The following PPM1H variants were observed in gnomAD, a reference collection of about 807,000 sequenced individuals.
The protein encoded by PPM1H is protein phosphatase, Mg2+/Mn2+ dependent 1H, also known as protein phosphatase 1H.
A neutral mutation model predicts 54.9 loss-of-function variants in PPM1H; 27 were observed. That is an observed-to-expected ratio of 0.49 (90% CI 0.36 to 0.68). PPM1H has a LOEUF of 0.68. Among genes scored for constraint, PPM1H ranks in the 30% least tolerant of loss-of-function variants. The pLI, the probability that PPM1H is intolerant of heterozygous loss-of-function variation, is 0.00. For missense variants in PPM1H, 596 were observed against 667.8 expected (o/e 0.89, Z 1.19); for synonymous variants, 305 against 270.8 (o/e 1.13, Z -1.24).
intron 1 of PPM1H, among the ~76,000 whole-genome samples, chr12:62,835,048 C>T (rs763042577): frequency 2.6e-5 from 4 of 152,158 alleles, no homozygotes; most frequent in Non-Finnish European, 5.9e-5. Flanking sequence ...ATCACTCTGA[C>T]CACTGGCACC....
intron 5 of PPM1H, among the ~76,000 whole-genome samples, chr12:62,736,836 T>C (rs957616696): frequency 6.6e-6 from 1 of 152,032 alleles, no homozygotes; most frequent in Non-Finnish European, 1.5e-5. Flanking sequence ...ATTACCAGAG[T>C]CACTTTAAAC....
intron 4 of PPM1H, among the ~76,000 whole-genome samples, chr12:62,742,952 C>T (rs964925075): frequency 2.6e-5 from 4 of 152,104 alleles, no homozygotes; most frequent in Admixed American, 6.6e-5. Context: ...CCAGTAAAAT[C>T]GATGGGGCGT....
chr12:62,804,768 C>T (rs2076795950), intron 2 of PPM1H, among the ~76,000 whole-genome samples: 1 of 147,354 alleles, frequency 6.8e-6, no homozygotes, highest in Non-Finnish European at 1.5e-5. Flanking sequence ...CTCCGCCTCC[C>T]AGGTTCACGC....
chr12:62,792,777 C>T (rs1339122206), intron 3 of PPM1H, among the ~76,000 whole-genome samples: 1 of 152,186 alleles, frequency 6.6e-6, no homozygotes, highest in Non-Finnish European at 1.5e-5. Flanking sequence ...ACACCACCTA[C>T]TCCTCTTTAA....
At chr12:62,753,766 T>TG (rs60145990) in intron 4 of PPM1H, among the ~76,000 whole-genome samples, 2,286 of 152,348 alleles carry the variant, frequency 0.015, 72 homozygotes, top group African/African-American at 0.053. Flanking sequence ...CCCCTCTCTC[T>TG]GGCTTTCTCC....
At chr12:62,707,213 C>A (rs2076180126) in intron 6 of PPM1H, among the ~76,000 whole-genome samples, 1 of 152,160 alleles carries the variant, frequency 6.6e-6, no homozygotes, top group Admixed American at 6.5e-5. Context: ...ATGTGTGAAG[C>A]CTGGACTATC....
Position 62,832,362 on chromosome 12 carries a change from T to C in PPM1H, c.246-83A>G, listed in dbSNP as rs899850699. On this transcript the variant is annotated intron_variant, in intron 1 of 9. Coordinates refer to ENST00000228705, the MANE Select transcript of PPM1H (RefSeq NM_020700.2). ...CCTTGTCAAGGGTCAGCCAAGACAG[T>C]CTCTACAACTGGCCCAGAACTACAG... 3 of 1,334,078 alleles carry C rather than the reference T, an allele frequency of 2.2e-6. No homozygotes were observed. The East Asian group carries it at 7.6e-5, about 34-fold the overall frequency. 82.6% of individuals were successfully genotyped at this position (1,334,078 alleles called of 1,614,324 possible). A position where few individuals can be genotyped will look rare whatever the true frequency, so the allele number is the denominator to read the frequency against.
chr12:62,915,332 C>A (rs1053425579), intron 1 of PPM1H, among the ~76,000 whole-genome samples: 3 of 152,220 alleles, frequency 2.0e-5, no homozygotes, highest in Admixed American at 6.5e-5. Context: ...CTCTGCCTCA[C>A]GCGCGACCTT....
At chr12:62,870,141 C>G (rs922775771) in intron 1 of PPM1H, among the ~76,000 whole-genome samples, 1 of 152,086 alleles carries the variant, frequency 6.6e-6, no homozygotes, top group Non-Finnish European at 1.5e-5. Context: ...GAAATAAACT[C>G]TATGACAAAA....
chr12:62,804,351 C>CAAAAAAAAAAA (rs371143962), intron 2 of PPM1H, among the ~76,000 whole-genome samples: 1 of 137,622 alleles, frequency 7.3e-6, no homozygotes, highest in African/African-American at 3.0e-5. Flanking sequence ...GACCCTGTCT[C>CAAAAAAAAAAA]AAAAAAAAAA....
chr12:62,662,336 G>C (rs1027721808), intron 9 of PPM1H, among the ~76,000 whole-genome samples: 1 of 152,174 alleles, frequency 6.6e-6, no homozygotes, highest in African/African-American at 2.4e-5. Flanking sequence ...CATGAAACTT[G>C]AAAGGCGAAA....
intron 1 of PPM1H, among the ~76,000 whole-genome samples, chr12:62,877,958 C>T (rs756075301): frequency 5.3e-5 from 8 of 152,204 alleles, no homozygotes; most frequent in Non-Finnish European, 1.2e-4. Context: ...AGTGCAGTAG[C>T]ACAATCTCGG....
chr12:62,802,007 G>C lies in PPM1H; in HGVS notation c.565C>G (p.Pro189Ala), dbSNP rs200553056. ...DILKNSAVLP[P>A]TCLGEEPENT... ...TCAGGCTCCTCCCCCAGGCAGGTAG[G>C]GGGCAGGACGGCGGAGTTCTTCAGG... Residue 189 changes from proline to alanine, a missense_variant, in exon 3 of 10, where the codon CCT (proline) becomes GCT (alanine). By Grantham distance (27) the Pro-to-Ala change is conservative. This residue lies in a region of PPM1H where 382 missense variants were observed against 387.1 expected (regional missense o/e 0.99). Coordinates refer to ENST00000228705, the MANE Select transcript of PPM1H (RefSeq NM_020700.2). 24 of 1,613,490 alleles carry C rather than the reference G, an allele frequency of 1.5e-5. No homozygotes were observed. The highest frequency in any genetic ancestry group is 5.0e-5 in the Admixed American group (3 of 60,022).
At chr12:62,904,171 A>G (rs1210683010) in intron 1 of PPM1H, among the ~76,000 whole-genome samples, 1 of 152,214 alleles carries the variant, frequency 6.6e-6, no homozygotes, top group African/African-American at 2.4e-5. Context: ...AAGCATTAAA[A>G]CAAAAAAGTA....
At chr12:62,758,584 A>C (rs1477870849) in intron 4 of PPM1H, among the ~76,000 whole-genome samples, 1 of 152,076 alleles carries the variant, frequency 6.6e-6, no homozygotes, top group East Asian at 1.9e-4. Flanking sequence ...CCTAAACTTC[A>C]AACTTCTTAT....
chr12:62,892,542 T>C (rs1870835774), intron 1 of PPM1H, among the ~76,000 whole-genome samples: 1 of 152,252 alleles, frequency 6.6e-6, no homozygotes, highest in Admixed American at 6.5e-5. Flanking sequence ...ATTTACATCC[T>C]GTTGCTCTAC....
intron 1 of PPM1H, among the ~76,000 whole-genome samples, chr12:62,902,711 A>G (rs578065189): frequency 1.3e-5 from 2 of 152,248 alleles, no homozygotes; most frequent in African/African-American, 2.4e-5. Context: ...GGATTAATTA[A>G]AATAATACAT....
chr12:62,740,551 C>T (rs1309603536), intron 4 of PPM1H, among the ~76,000 whole-genome samples: 4 of 152,204 alleles, frequency 2.6e-5, no homozygotes, highest in South Asian at 2.1e-4. Flanking sequence ...TCCCTCCATA[C>T]GTGTTCCCTT....
rs1049424717 is a variant in PPM1H, at chr12:62,768,444, A to G, written c.869+19782T>C. 5.3e-5 allele frequency among the ~76,000 whole-genome samples: 8 copies of G among 152,168 alleles called. No individual in the cohort carries two copies. The East Asian group carries it at 1.5e-3, about 29-fold the overall frequency. ...GCCAAGGTGGGCGGATCATGAGGTC[A>G]GGACTTCGAGACCAACCTGGCCAAC... is the stretch of plus-strand genomic sequence containing the variant. On this transcript the variant is annotated intron_variant, in intron 4 of 9. Coordinates refer to ENST00000228705, the MANE Select transcript of PPM1H (RefSeq NM_020700.2).
Sources: allele counts gnomAD v4.1 joint callset (sites outside exome capture counted in the v4.1 genomes callset), GRCh38; gene constraint gnomAD v4.1.1; regional missense constraint gnomAD v4.1.1; transcripts MANE v1.5; gene names NCBI Gene and HGNC (gene_info 2026-07-23, HGNC 2026-07-21).